NUBP1: variants seen among roughly 807,000 people sequenced by gnomAD.
NUBP1 encodes NUBP iron-sulfur cluster assembly factor 1, cytosolic, also known as cytosolic Fe-S cluster assembly factor NUBP1.
Under a neutral mutation model 41.8 loss-of-function variants are expected in NUBP1, and 46 were observed. The observed-to-expected ratio is 1.10, with a 90% CI of 0.87 to 1.41. The LOEUF (loss-of-function observed/expected upper bound fraction) is 1.41, where lower values mean the gene tolerates loss of function less well. Ranked by LOEUF, NUBP1 falls within the 40% of genes most tolerant of loss-of-function variation. NUBP1 has a pLI of 0.00. For missense variants in NUBP1, 494 were observed against 414.0 expected (o/e 1.19, Z -1.68); for synonymous variants, 189 against 154.6 (o/e 1.22, Z -1.65).
chr16:10,762,652 A>C (rs941551360), intron 9 of NUBP1, among the ~76,000 whole-genome samples: 5 of 152,228 alleles, frequency 3.3e-5, no homozygotes, highest in African/African-American at 9.6e-5. Flanking sequence ...AGAAGGCTGG[A>C]GGGGAGGCCG....
intron 2 of NUBP1, among the ~76,000 whole-genome samples, 177 bp from the exon 3 acceptor site, chr16:10,746,966 T>G (rs1408889352): frequency 1.3e-5 from 2 of 152,172 alleles, no homozygotes; most frequent in Non-Finnish European, 2.9e-5. Flanking sequence ...GATAATAGCC[T>G]TATTTTCTTC....
Position 10,758,494 on chromosome 16 carries a change from C to A in NUBP1, c.606+467C>A, listed in dbSNP as rs538466399. 9.9e-5 allele frequency among the ~76,000 whole-genome samples: 15 copies of A among 152,104 alleles called. No homozygotes were observed. The South Asian group carries it at 2.9e-3, about 29-fold the overall frequency. On this transcript the variant is annotated intron_variant, in intron 7 of 10. Transcript: ENST00000283027. Reference sequence around the variant, plus strand: ...TCCCAAAAGATAAAAATAAGAAAAACTTCATCTTTGGTCTAGACATTTGCA... The same window carrying A: ...TCCCAAAAGATAAAAATAAGAAAAAATTCATCTTTGGTCTAGACATTTGCA...
At chr16:10,761,700 C>A in intron 8 of NUBP1, 57 bp from the exon 9 acceptor site, 1 of 1,354,934 alleles carries the variant, frequency 7.4e-7, no homozygotes, top group Non-Finnish European at 1.0e-6. Context: ...AAATGTGGTC[C>A]ATCCTTGTGA....
chr16:10,754,647 G>A (rs570354502), intron 4 of NUBP1, among the ~76,000 whole-genome samples: 1 of 152,214 alleles, frequency 6.6e-6, no homozygotes, highest in African/African-American at 2.4e-5. Flanking sequence ...GTGAGAGAAA[G>A]TGGATTAGGG....
chr16:10,756,911 G>A, intron 6 of NUBP1, 131 bp downstream of exon 6: 1 of 648,254 alleles, frequency 1.5e-6, no homozygotes, highest in Non-Finnish European at 2.6e-6. Context: ...ACCATCCAGT[G>A]CCTCTTTCTT....
Position 10,761,784 on chromosome 16 carries a change from A to C in NUBP1, c.745A>C (p.Thr249Pro). The C allele has an allele frequency of 6.2e-7, 1 of 1,613,882 alleles. No homozygotes were observed. Among genetic ancestry groups the C allele is most frequent in the Non-Finnish European group, 8.5e-7 (1 of 1,179,906 alleles). The change falls in exon 9 of 11, where the codon ACC (threonine) becomes CCC (proline). Residue 249 changes from threonine to proline, a missense_variant. Transcript: ENST00000283027. ...KKESQIFPPT[T>P]GGAELMCQDL... Reference sequence around the variant, plus strand: ...AGAATCTCAGATATTCCCTCCCACAACCGGGGGCGCGGAGCTCATGTGCCA... The same window carrying C: ...AGAATCTCAGATATTCCCTCCCACACCCGGGGGCGCGGAGCTCATGTGCCA...
rs1246162088 is a variant in NUBP1 at position 10,752,767 on chromosome 16, G to A, written c.327+89G>A. On this transcript the variant is annotated intron_variant, in intron 4 of 10. Transcript: ENST00000283027. Reference sequence around the variant, plus strand: ...GTCAAACCTCAACAAAGAGGCATGCGGAGCCCATAAATGTTTTTTTGTTGT... The same window carrying A: ...GTCAAACCTCAACAAAGAGGCATGCAGAGCCCATAAATGTTTTTTTGTTGT... 4 of 1,066,978 alleles carry A rather than the reference G, an allele frequency of 3.7e-6. No individual in the cohort carries two copies. The African/African-American group carries it at 4.8e-5, about 13-fold the overall frequency. 66.1% of individuals were successfully genotyped at this position (1,066,978 alleles called of 1,614,324 possible).
Position 10,768,798 on chromosome 16 carries a change from C to G in NUBP1, c.905-249C>G. The G allele has an allele frequency of 2.4e-6, 1 of 416,766 alleles. No individual in the cohort carries two copies. Among genetic ancestry groups the G allele is most frequent in the Non-Finnish European group, 4.3e-6 (1 of 234,828 alleles). The allele number at this position is 416,766 out of a possible 1,614,324, so 25.8% of individuals were successfully genotyped here. ...AAGAATGATGTCAAGGGTAAGGAAA[C>G]AGCATTCCCAGAATCCTCCATCTAT... On this transcript the variant is annotated intron_variant, in intron 10 of 10. Transcript: ENST00000283027. This position sits in a 1 kb window ranked among gnomAD's most constrained non-coding sequence, Gnocchi z 4.3.
rs2031345584 is a variant in NUBP1, at chr16:10,769,229, G to C, written c.*124G>C. 1 of 746,514 alleles carries C rather than the reference G, an allele frequency of 1.3e-6. No homozygotes were observed. Among genetic ancestry groups the C allele is most frequent in the Non-Finnish European group, 2.3e-6 (1 of 439,148 alleles). 46.2% of individuals were successfully genotyped at this position (746,514 alleles called of 1,614,324 possible). On this transcript the variant is annotated 3_prime_UTR_variant, in exon 11 of 11. Transcript: ENST00000283027. ...AGCAAAAGGACCAGATGCTGGTGTG[G>C]TCCGAAGCCACTTTCTCAGAGACAC...
chr16:10,750,346 G>A (rs768068525), intron 3 of NUBP1, among the ~76,000 whole-genome samples: 36 of 152,338 alleles, frequency 2.4e-4, no homozygotes, highest in Non-Finnish European at 4.4e-4. Flanking sequence ...CCGGGCTCAA[G>A]CAGTTCTGCC....
At chr16:10,754,832 G>A (rs1173546050) in intron 4 of NUBP1, among the ~76,000 whole-genome samples, 2 of 151,828 alleles carry the variant, frequency 1.3e-5, no homozygotes, top group African/African-American at 4.8e-5. Context: ...ATCACTTGAG[G>A]TCAGGAGTTT....
At chr16:10,764,170 C>G (rs957853160) in intron 9 of NUBP1, among the ~76,000 whole-genome samples, 2 of 152,244 alleles carry the variant, frequency 1.3e-5, no homozygotes, top group Non-Finnish European at 2.9e-5. Flanking sequence ...AGGAGTATCT[C>G]AGCCCACGGG....
rs939363543 is a variant in NUBP1 at position 10,767,122 on chromosome 16, C to T, written c.821-827C>T. ...GGCTGGTGACCGGCCATGGGCAGTG[C>T]AGTCACTTGCCTGTTTCGCCAGCAG... On this transcript the variant is annotated intron_variant, in intron 9 of 10. Transcript: ENST00000283027. This position sits in a 1 kb window ranked among gnomAD's most constrained non-coding sequence, Gnocchi z 4.6. The T allele has an allele frequency of 3.5e-5, 14 of 398,824 alleles. No homozygotes were observed. Among genetic ancestry groups the T allele is most frequent in the African/African-American group, 2.9e-4 (14 of 48,640 alleles). The allele number at this position is 398,824 out of a possible 1,614,324, so 24.7% of individuals were successfully genotyped here.
chr16:10,753,858 G>C (rs969529624), intron 4 of NUBP1, among the ~76,000 whole-genome samples: 2 of 152,190 alleles, frequency 1.3e-5, no homozygotes, highest in Admixed American at 1.3e-4. Flanking sequence ...AGGTGTCCTT[G>C]TGTCCTCAGT....
chr16:10,744,113 G>T, intron 2 of NUBP1, 48 bp downstream of exon 2: 5 of 1,135,342 alleles, frequency 4.4e-6, no homozygotes, highest in Non-Finnish European at 3.6e-6. Flanking sequence ...CGCAGGCCCG[G>T]AAAAGGCGGG....
chr16:10,763,267 A>G (rs1204560830), intron 9 of NUBP1, among the ~76,000 whole-genome samples: 1 of 151,932 alleles, frequency 6.6e-6, no homozygotes, highest in African/African-American at 2.4e-5. Flanking sequence ...AAGCCACAGG[A>G]CATGGACAGG....
chr16:10,753,024 A>C (rs1201425432), intron 4 of NUBP1, among the ~76,000 whole-genome samples: 1 of 151,954 alleles, frequency 6.6e-6, no homozygotes, highest in African/African-American at 2.4e-5. Flanking sequence ...CCACCTCCTG[A>C]CCTCTAGTGA....
At chr16:10,764,514 T>TCA (rs1266591294) in intron 9 of NUBP1, among the ~76,000 whole-genome samples, 131 of 150,340 alleles carry the variant, frequency 8.7e-4, no homozygotes, top group African/African-American at 3.1e-3. Context: ...CTGGAGTATT[T>TCA]GTCTATTGGA....
In NUBP1 at chr16:10,767,054, A is replaced by G. The variant is rs2030987508; in HGVS notation, c.821-895A>G. ...GGCGACACAGTAGTGAAGTTGAGGA[A>G]ATGATGAGTGCTAGGTAGGAACCCC... is the stretch of plus-strand genomic sequence containing the variant. On this transcript the variant is annotated intron_variant, in intron 9 of 10. Coordinates refer to ENST00000283027, the MANE Select transcript of NUBP1 (RefSeq NM_002484.4). The surrounding 1 kb of genome is among the most constrained non-coding windows in gnomAD (Gnocchi z 4.6). 3 of 398,708 alleles carry G rather than the reference A, an allele frequency of 7.5e-6. No individual in the cohort carries two copies. Among genetic ancestry groups the G allele is most frequent in the Non-Finnish European group, 1.3e-5 (3 of 226,120 alleles). 24.7% of individuals were successfully genotyped at this position (398,708 alleles called of 1,614,324 possible).
Sources: gnomAD v4.1 joint callset for allele counts (sites outside exome capture counted in the v4.1 genomes callset) on GRCh38, gnomAD v4.1.1 for gene constraint, Gnocchi (gnomAD v3.1) non-coding constraint, MANE v1.5 for transcripts, NCBI Gene and HGNC (gene_info 2026-07-23, HGNC 2026-07-21) for gene names.